Variants in CDYL2 observed in about 807,000 individuals in gnomAD.
The protein encoded by CDYL2 is chromodomain Y-like protein 2.
Under a neutral mutation model 49.4 loss-of-function variants are expected in CDYL2, and 23 were observed. The observed-to-expected ratio is 0.47, with a 90% confidence interval of 0.34 to 0.66. The LOEUF (loss-of-function observed/expected upper bound fraction) is 0.66. Ranked by LOEUF, CDYL2 falls within the 30% of genes least tolerant of loss-of-function variation. The pLI is 0.01. For synonymous variants in CDYL2, 360 were observed against 268.8 expected, an observed-to-expected ratio of 1.34 and a Z score of -3.32; for missense variants, 678 against 656.4, an observed-to-expected ratio of 1.03 and a Z score of -0.36.
At chr16:80,761,765 TAATAAA>T (rs1906538521) in intron 1 of CDYL2, among the ~76,000 whole-genome samples, 1 of 151,808 alleles carries the variant, frequency 6.6e-6, no homozygotes, top group African/African-American at 2.4e-5. Context: ...TATTATATGT[TAATAAA>T]AATACAAAAG....
chr16:80,666,250 T>C (rs7187153), intron 2 of CDYL2, among the ~76,000 whole-genome samples: 4,547 of 152,314 alleles, frequency 0.03, 240 homozygotes, highest in African/African-American at 0.1. Flanking sequence ...TCTTCGCCTC[T>C]ATGCTACCTG....
chr16:80,685,212 C>A, intron 1 of CDYL2, 83 bp from the exon 2 acceptor site: 3 of 1,116,422 alleles, frequency 2.7e-6, no homozygotes, highest in South Asian at 1.5e-5. Context: ...CACCATAAAG[C>A]CTTTGGGATA....
intron 2 of CDYL2, among the ~76,000 whole-genome samples, chr16:80,645,315 G>C (rs566867349): frequency 1.3e-5 from 2 of 152,114 alleles, no homozygotes; most frequent in South Asian, 4.1e-4. Flanking sequence ...CCATCAACAA[G>C]TGGGCGAAGG....
At chr16:80,707,648 G>A (rs1252452900) in intron 1 of CDYL2, among the ~76,000 whole-genome samples, 1 of 152,112 alleles carries the variant, frequency 6.6e-6, no homozygotes, top group Non-Finnish European at 1.5e-5. Context: ...TGCTTTGGTG[G>A]TGTCTTTCTG....
chr16:80,623,340 G>A (rs922216384), intron 3 of CDYL2, among the ~76,000 whole-genome samples: 3 of 152,162 alleles, frequency 2.0e-5, no homozygotes, highest in Admixed American at 6.5e-5. Context: ...GTAAAATTCA[G>A]AGCTACCTCA....
chr16:80,625,722 G>C (rs952532851), intron 3 of CDYL2, among the ~76,000 whole-genome samples: 11 of 152,136 alleles, frequency 7.2e-5, no homozygotes, highest in Admixed American at 6.5e-5. Context: ...GAAAAAGAAA[G>C]CTTACCTACA....
intron 1 of CDYL2, among the ~76,000 whole-genome samples, chr16:80,770,844 T>C (rs1429509808): frequency 6.6e-6 from 1 of 151,732 alleles, no homozygotes; most frequent in East Asian, 1.9e-4. Context: ...AAAAGTAAAA[T>C]AGAGGAAGAG....
intron 1 of CDYL2, among the ~76,000 whole-genome samples, chr16:80,723,246 G>A (rs925313032): frequency 6.6e-6 from 1 of 152,220 alleles, no homozygotes; most frequent in African/African-American, 2.4e-5. Context: ...CTGGCACAAA[G>A]GCTGCATTCA....
chr16:80,708,088 T>C (rs1904467422), intron 1 of CDYL2, among the ~76,000 whole-genome samples: 1 of 152,068 alleles, frequency 6.6e-6, no homozygotes, highest in Non-Finnish European at 1.5e-5. Flanking sequence ...TTGTAGAGGA[T>C]GGTAGGTCTA....
chr16:80,637,405 A>G (rs912802619), intron 2 of CDYL2, among the ~76,000 whole-genome samples: 81 of 152,320 alleles, frequency 5.3e-4, no homozygotes, highest in African/African-American at 1.8e-3. Context: ...AGCGATTGCA[A>G]AAACATTTTT....
intron 2 of CDYL2, among the ~76,000 whole-genome samples, chr16:80,641,187 G>C (rs1417571959): frequency 2.0e-5 from 3 of 152,068 alleles, no homozygotes; most frequent in South Asian, 2.1e-4. Context: ...CAAGGATAAA[G>C]AAAAGATTCC....
At chr16:80,759,122 A>ATATATATATATATATATATATATGGTTTT (rs1567597502) in intron 1 of CDYL2, among the ~76,000 whole-genome samples, 57 of 127,826 alleles carry the variant, frequency 4.5e-4, no homozygotes, top group African/African-American at 1.8e-3. Flanking sequence ...ATATATATAT[A>ATATATATATATATATATATATATGGTTTT]TATATATATA....
chr16:80,742,461 C>CATGGATGG (rs3081238), intron 1 of CDYL2, among the ~76,000 whole-genome samples: 62,541 of 146,014 alleles, frequency 0.43, 14,010 homozygotes, highest in East Asian at 0.59. Flanking sequence ...AGGATGGATG[C>CATGGATGG]ATGGATGGAT....
rs553500383 is a variant in CDYL2, at chr16:80,789,679, A to G, written c.24+14471T>C. Among the ~76,000 whole-genome samples, 12 of 152,320 alleles carry G rather than the reference A, an allele frequency of 7.9e-5. No homozygotes were observed. The South Asian group carries it at 2.1e-3, about 26-fold the overall frequency. On this transcript the variant is annotated intron_variant, in intron 1 of 6. Transcript: ENST00000570137. ...AGTCATGAAACCAATTTAAGTGTCT[A>G]CCAGTTGTTGACTGGATAAAGAAAA...
In CDYL2 at chr16:80,599,141, A is replaced by G. The variant is rs1905966980; in HGVS notation, c.*5247T>C. On this transcript the variant is annotated 3_prime_UTR_variant, in exon 7 of 7. Transcript: ENST00000570137. ...CCAGCATCAGGCTAGATGTTGGATC[A>G]ATGATATAAGGTTAAGCCATAAAAA... 1 of 152,200 alleles carries G rather than the reference A, an allele frequency of 6.6e-6. No individual in the cohort carries two copies. Among genetic ancestry groups the G allele is most frequent in the African/African-American group, 2.4e-5 (1 of 41,422 alleles). 9.4% of individuals were successfully genotyped at this position (152,200 alleles called of 1,614,324 possible). A position where few individuals can be genotyped will look rare whatever the true frequency, so the allele number is the denominator to read the frequency against.
intron 2 of CDYL2, among the ~76,000 whole-genome samples, chr16:80,675,794 G>T (rs1256371710): frequency 6.6e-6 from 1 of 152,060 alleles, no homozygotes; most frequent in East Asian, 1.9e-4. Flanking sequence ...TACAGACACT[G>T]TACCCGCTTA....
chr16:80,616,362 G>C (rs944466425), intron 4 of CDYL2, among the ~76,000 whole-genome samples: 5 of 152,174 alleles, frequency 3.3e-5, no homozygotes, highest in Non-Finnish European at 7.4e-5. Flanking sequence ...TATTATTATG[G>C]GTAGTGCATC....
At chr16:80,649,246 C>G (rs1048154594) in intron 2 of CDYL2, among the ~76,000 whole-genome samples, 2 of 152,026 alleles carry the variant, frequency 1.3e-5, no homozygotes, top group Non-Finnish European at 2.9e-5. Context: ...AAACTAAGGA[C>G]TCCACACCAA....
In CDYL2 at chr16:80,722,391, T is replaced by C. The variant is rs77631991; in HGVS notation, c.25-37262A>G. ...ATAATCTGTAGTGTCTTAGAGTCAA[T>C]GAAAGCAAACACACTGCTGAGTCCT... On this transcript the variant is annotated intron_variant, in intron 1 of 6. Coordinates refer to ENST00000570137, the MANE Select transcript of CDYL2 (RefSeq NM_152342.4). Among the ~76,000 whole-genome samples, 29 of 152,220 alleles carry C rather than the reference T, an allele frequency of 1.9e-4. 1 individual carries two copies. In the East Asian group the frequency reaches 5.6e-3, roughly 29 times the overall value.
Sources: allele counts gnomAD v4.1 joint callset (sites outside exome capture counted in the v4.1 genomes callset), GRCh38; gene constraint gnomAD v4.1.1; transcripts MANE v1.5; gene names NCBI Gene and HGNC (gene_info 2026-07-23, HGNC 2026-07-21).